The following RHOBTB1 variants were observed in gnomAD, a reference collection of about 807,000 sequenced individuals.
RHOBTB1 encodes Rho related BTB domain containing 1.
A neutral mutation model predicts 71.6 loss-of-function variants in RHOBTB1; 40 were observed. The ratio of observed to expected loss-of-function variants is 0.56; its 90% CI spans 0.43 to 0.73. The LOEUF is 0.73. Among genes scored for constraint, RHOBTB1 ranks in the 30% least tolerant of loss-of-function variants. RHOBTB1 has a pLI of 0.00. For missense variants in RHOBTB1, 797 were observed against 894.0 expected (o/e 0.89, Z 1.38); for synonymous variants, 319 against 334.9 (o/e 0.95, Z 0.52).
upstream of RHOBTB1, chr10:61,001,480 G>A (rs1319367684): frequency 9.2e-5 from 14 of 151,438 alleles, no homozygotes; most frequent in African/African-American, 3.4e-4. Flanking sequence ...AAGCCGCCGG[G>A]ACAGCGCCGA....
At chr10:60,994,118 C>T (rs1413473197) in intron 1 of RHOBTB1, among the ~76,000 whole-genome samples, 1 of 151,996 alleles carries the variant, frequency 6.6e-6, no homozygotes, top group Admixed American at 6.6e-5. Flanking sequence ...AAAACCATAT[C>T]CTGATCTTTA....
At chr10:60,931,707 G>GTA (rs2084266637) in intron 2 of RHOBTB1, among the ~76,000 whole-genome samples, 1 of 151,916 alleles carries the variant, frequency 6.6e-6, no homozygotes, top group Admixed American at 6.6e-5. Flanking sequence ...AAAACTATAT[G>GTA]TATATATAAA....
Position 60,951,343 on chromosome 10 carries a change from AT to A in RHOBTB1, c.-61-9490del, listed in dbSNP as rs869299210. Reference sequence around the variant, plus strand: ...ACCACTCCTTTCATAATGGTTCCTAATCTAAAAGCAAAGATGACCTCACTTC... The same window carrying A: ...ACCACTCCTTTCATAATGGTTCCTAACTAAAAGCAAAGATGACCTCACTTC... On this transcript the variant is annotated intron_variant, in intron 2 of 11. Transcript: ENST00000357917. Among the ~76,000 whole-genome samples, 21 of 110,710 alleles carry A rather than the reference AT, an allele frequency of 1.9e-4. No homozygotes were observed. The Admixed American group carries it at 2.0e-3, about 10-fold the overall frequency. The allele number at this position is 110,710 out of a possible 152,430, so 72.6% of individuals were successfully genotyped here. A position where few individuals can be genotyped will look rare whatever the true frequency, so the allele number is the denominator to read the frequency against.
At chr10:60,975,386 C>T (rs1320011458) in intron 2 of RHOBTB1, among the ~76,000 whole-genome samples, 4 of 152,078 alleles carry the variant, frequency 2.6e-5, no homozygotes, top group African/African-American at 9.7e-5. Flanking sequence ...AAAGACACTG[C>T]CTGCATTTGC....
At chr10:60,874,863 C>T (rs2279942) in intron 9 of RHOBTB1, 91 bp downstream of exon 9, 282,149 of 919,366 alleles carry the variant, frequency 0.31, 46,282 homozygotes, top group African/African-American at 0.59. Context: ...GTGACATCTT[C>T]ATTTAGACAG....
At chr10:60,863,721 T>G in the RHOBTB1 span, among the ~76,000 whole-genome samples, 1 of 152,210 alleles carries the variant, frequency 6.6e-6, no homozygotes, top group East Asian at 1.9e-4. Context: ...TTGGTAGAGA[T>G]GGAGTTTCAC....
chr10:60,981,203 T>G (rs2086484410), intron 2 of RHOBTB1, among the ~76,000 whole-genome samples: 1 of 152,168 alleles, frequency 6.6e-6, no homozygotes, highest in Admixed American at 6.5e-5. Context: ...AACATCATAG[T>G]TATCATTCTT....
At chr10:60,884,650 G>A (rs1172436790) in intron 7 of RHOBTB1, among the ~76,000 whole-genome samples, 1 of 152,048 alleles carries the variant, frequency 6.6e-6, no homozygotes, top group Non-Finnish European at 1.5e-5. Context: ...ATACTATATA[G>A]CCCTAAAAAA....
At chr10:60,887,075 TA>T (rs76965186) in intron 6 of RHOBTB1, among the ~76,000 whole-genome samples, 7,570 of 143,114 alleles carry the variant, frequency 0.053, 222 homozygotes, top group East Asian at 0.096. Context: ...TTCATAGCTT[TA>T]AAAAAAAAAA....
chr10:60,912,176 A>G (rs1278953173), intron 2 of RHOBTB1, among the ~76,000 whole-genome samples: 1 of 151,856 alleles, frequency 6.6e-6, no homozygotes, highest in Non-Finnish European at 1.5e-5. Context: ...AATCAAATTC[A>G]TAATTCATAA....
intron 2 of RHOBTB1, among the ~76,000 whole-genome samples, chr10:60,921,592 C>G (rs1389975311): frequency 6.6e-6 from 1 of 152,198 alleles, no homozygotes; most frequent in Non-Finnish European, 1.5e-5. Context: ...TGTTATTCAT[C>G]TTTAAATCCT....
chr10:60,891,485 T>A (rs571717021), intron 5 of RHOBTB1, among the ~76,000 whole-genome samples: 1 of 151,622 alleles, frequency 6.6e-6, no homozygotes, highest in African/African-American at 2.4e-5. Flanking sequence ...AAACCACAGG[T>A]GTGCACCACC....
At chr10:60,872,687 G>A (rs753968705) in intron 9 of RHOBTB1, among the ~76,000 whole-genome samples, 3 of 152,080 alleles carry the variant, frequency 2.0e-5, no homozygotes, top group Admixed American at 1.3e-4. Flanking sequence ...ACTTCGTGTC[G>A]CATGTCAGAG....
downstream of RHOBTB1, among the ~76,000 whole-genome samples, chr10:60,865,147 G>C (rs1209069335): frequency 6.6e-6 from 1 of 152,148 alleles, no homozygotes; most frequent in East Asian, 1.9e-4. Flanking sequence ...ATGCTCTGTG[G>C]GGGGACAGGA....
chr10:60,988,905 T>A (rs1246233251), intron 1 of RHOBTB1, among the ~76,000 whole-genome samples: 1 of 152,224 alleles, frequency 6.6e-6, no homozygotes, highest in South Asian at 2.1e-4. Flanking sequence ...TTTATAGTAC[T>A]CTGGCTTTAT....
chr10:60,871,991 A>T (rs1328861753), intron 10 of RHOBTB1, 194 bp downstream of exon 10: 1 of 640,926 alleles, frequency 1.6e-6, no homozygotes, highest in Non-Finnish European at 2.8e-6. Context: ...TCCCCTCATC[A>T]TCAAGTTCTC....
intron 7 of RHOBTB1, among the ~76,000 whole-genome samples, chr10:60,882,537 G>A (rs1376327609): frequency 6.7e-6 from 1 of 150,278 alleles, no homozygotes; most frequent in Non-Finnish European, 1.5e-5. Context: ...AAAATCATTG[G>A]ACATAGGCAT....
In RHOBTB1 at chr10:60,877,921, C is replaced by T. The variant is rs763614717; in HGVS notation, c.1713G>A (p.Leu571=). ...ALANRFCLPH[L]VALAEQHAVQ... ...CATCATCCTTACCTGCAAGTGCAAC[C>T]AAGTGTGGCAGGCAAAATCTGTTTG... is the stretch of plus-strand genomic sequence containing the variant. Residue 571 remains leucine, a synonymous_variant, in exon 8 of 11, where the codon TTG becomes TTA. Transcript: ENST00000337910. The T allele has an allele frequency of 2.5e-6, 4 of 1,613,528 alleles. No individual in the cohort carries two copies. The highest frequency in any genetic ancestry group is 1.7e-5 in the Admixed American group (1 of 59,948).
upstream of RHOBTB1, among the ~76,000 whole-genome samples, chr10:60,946,561 G>C (rs2085244067): frequency 6.6e-6 from 1 of 152,162 alleles, no homozygotes; most frequent in African/African-American, 2.4e-5. Context: ...GTTTTCTGAT[G>C]TCTTGACAGT....
Sources: gnomAD v4.1 joint callset for allele counts (sites outside exome capture counted in the v4.1 genomes callset) on GRCh38, gnomAD v4.1.1 for gene constraint, MANE v1.5 for transcripts, NCBI Gene and HGNC (gene_info 2026-07-23, HGNC 2026-07-21) for gene names.